PRR16: variants seen among roughly 807,000 people sequenced by gnomAD.
PRR16 encodes the protein proline rich 16.
Under a neutral mutation model 18.2 loss-of-function variants are expected in PRR16, and 6 were observed. The observed-to-expected ratio is 0.33, with a 90% CI of 0.18 to 0.65. PRR16 has a LOEUF of 0.65. PRR16 is among the 30% of genes least tolerant of loss of function. The pLI is 0.74. For missense variants in PRR16, 412 were observed against 376.6 expected, an observed-to-expected ratio of 1.09 and a Z score of -0.78; for synonymous variants, 151 against 147.8, an observed-to-expected ratio of 1.02 and a Z score of -0.16.
At chr5:120,535,282 A>C (rs1383135946) in intron 1 of PRR16, among the ~76,000 whole-genome samples, 1 of 152,208 alleles carries the variant, frequency 6.6e-6, no homozygotes, top group African/African-American at 2.4e-5. Context: ...GTCACAAAGA[A>C]TTTGTACAGT....
At chr5:120,595,281 A>G (rs774459592) in intron 1 of PRR16, among the ~76,000 whole-genome samples, 3 of 152,078 alleles carry the variant, frequency 2.0e-5, no homozygotes, top group Non-Finnish European at 4.4e-5. Flanking sequence ...GGCAAATAGC[A>G]TGAATAGACA....
intron 1 of PRR16, among the ~76,000 whole-genome samples, chr5:120,593,351 C>G (rs2112777860): frequency 6.6e-6 from 1 of 152,060 alleles, no homozygotes; most frequent in Admixed American, 6.6e-5. Context: ...TACAAATAAT[C>G]ACTAGAGACT....
At chr5:120,671,284 T>C (rs1756594627) in intron 1 of PRR16, among the ~76,000 whole-genome samples, 1 of 152,120 alleles carries the variant, frequency 6.6e-6, no homozygotes, top group Admixed American at 6.6e-5. Context: ...CAGAGTTTCT[T>C]TTTTTCTTTC....
At chr5:120,537,937 C>T (rs937022427) in intron 1 of PRR16, among the ~76,000 whole-genome samples, 10 of 151,362 alleles carry the variant, frequency 6.6e-5, no homozygotes, top group African/African-American at 4.9e-5. Flanking sequence ...CCACTACGCC[C>T]GGCTAATTTT....
At position 120,605,692 on chromosome 5, in the gene PRR16, T is replaced by G. The variant is rs115486768; in HGVS notation, c.160-80262T>G. On this transcript the variant is annotated intron_variant, in intron 1 of 1. Coordinates refer to ENST00000407149, the MANE Select transcript of PRR16 (RefSeq NM_001300783.2). ...AGTTTTTTGGATGGGGCTTTTGGCT[T>G]TTATATTCTTTGATGCCCTTTAGGG... 4.6e-3 allele frequency among the ~76,000 whole-genome samples: 701 copies of G among 152,278 alleles called. 5 individuals are homozygous for G. Among genetic ancestry groups the G allele is most frequent in the African/African-American group, 0.016 (675 of 41,556 alleles).
chr5:120,570,893 A>C (rs1358126362), intron 1 of PRR16, among the ~76,000 whole-genome samples: 1 of 152,146 alleles, frequency 6.6e-6, no homozygotes, highest in Non-Finnish European at 1.5e-5. Flanking sequence ...AATACAATAA[A>C]ATTATAAAAA....
At chr5:120,702,708 A>G in the PRR16 span, among the ~76,000 whole-genome samples, 1 of 152,158 alleles carries the variant, frequency 6.6e-6, no homozygotes, top group Non-Finnish European at 1.5e-5. Context: ...CAGAAAATGA[A>G]AGGAATTGAA....
chr5:120,512,224 C>T (rs781592736), intron 1 of PRR16, among the ~76,000 whole-genome samples: 2 of 152,178 alleles, frequency 1.3e-5, no homozygotes, highest in African/African-American at 2.4e-5. Flanking sequence ...ACATCTCCTT[C>T]CCTCCCCCAC....
intron 1 of PRR16, among the ~76,000 whole-genome samples, chr5:120,663,512 TTTAA>T (rs1158980346): frequency 6.6e-6 from 1 of 152,210 alleles, no homozygotes; most frequent in African/African-American, 2.4e-5. Context: ...CACCGTCTAC[TTTAA>T]TTATTTGTTC....
At chr5:120,770,071 T>G in the PRR16 span, among the ~76,000 whole-genome samples, 1 of 151,964 alleles carries the variant, frequency 6.6e-6, no homozygotes, top group Non-Finnish European at 1.5e-5. Flanking sequence ...ATTGTTGAGT[T>G]ACATTTTTAT....
the PRR16 span, among the ~76,000 whole-genome samples, chr5:120,709,577 C>A: frequency 2.6e-5 from 4 of 152,160 alleles, no homozygotes; most frequent in Non-Finnish European, 4.4e-5. Context: ...AACACTAGAT[C>A]TTATTCTTTT....
At chr5:120,785,572 G>GTTTTTTTTTTTTTT in the PRR16 span, among the ~76,000 whole-genome samples, 4,985 of 119,190 alleles carry the variant, frequency 0.042, 806 homozygotes, top group Non-Finnish European at 0.059. Flanking sequence ...TTTTGTTGTT[G>GTTTTTTTTTTTTTT]TTGTTTTTTT....
intron 1 of PRR16, among the ~76,000 whole-genome samples, chr5:120,472,630 G>A (rs1048079715): frequency 6.6e-6 from 1 of 151,976 alleles, no homozygotes; most frequent in African/African-American, 2.4e-5. Context: ...ATTGTTTGAG[G>A]TTTGGCTCCA....
At chr5:120,687,722 G>C (rs4895273), downstream of PRR16, among the ~76,000 whole-genome samples, 17,855 of 152,202 alleles carry the variant, frequency 0.12, 1,226 homozygotes, top group Non-Finnish European at 0.14. Flanking sequence ...AGCATTTGGC[G>C]TAAGTTTTTC....
At chr5:120,496,864 G>A (rs1252344723) in intron 1 of PRR16, among the ~76,000 whole-genome samples, 1 of 151,930 alleles carries the variant, frequency 6.6e-6, no homozygotes, top group Non-Finnish European at 1.5e-5. Context: ...ACTCAGCACT[G>A]CTTTAGCTGT....
the PRR16 span, among the ~76,000 whole-genome samples, chr5:120,762,496 T>C: frequency 6.4e-3 from 978 of 152,246 alleles, 11 homozygotes; most frequent in African/African-American, 0.023. Context: ...TGTTGTTTTT[T>C]GTTTTGTTTT....
intron 1 of PRR16, among the ~76,000 whole-genome samples, chr5:120,526,912 C>T (rs1307757306): frequency 2.6e-5 from 4 of 152,166 alleles, no homozygotes; most frequent in Admixed American, 2.6e-4. Context: ...TTTAAGTATA[C>T]AATATATTGT....
At chr5:120,485,263 T>C (rs1457120844) in intron 1 of PRR16, among the ~76,000 whole-genome samples, 3 of 152,204 alleles carry the variant, frequency 2.0e-5, no homozygotes, top group African/African-American at 7.2e-5. Context: ...AATTGAGCTT[T>C]TGTAAATAAT....
chr5:120,527,515 G>A (rs577937744), intron 1 of PRR16, among the ~76,000 whole-genome samples: 15 of 152,266 alleles, frequency 9.9e-5, no homozygotes, highest in Admixed American at 3.9e-4. Context: ...AAATTAACAC[G>A]CCAGCAAGTA....
Sources: allele counts gnomAD v4.1 joint callset (sites outside exome capture counted in the v4.1 genomes callset), GRCh38; gene constraint gnomAD v4.1.1; transcripts MANE v1.5; gene names NCBI Gene and HGNC (gene_info 2026-07-23, HGNC 2026-07-21).